Variants in KTN1 observed in about 807,000 individuals in gnomAD.
KTN1 encodes kinectin 1.
Under a neutral mutation model 222.5 loss-of-function variants are expected in KTN1, and 130 were observed. The observed-to-expected ratio is 0.58, with a 90% CI of 0.51 to 0.68. The LOEUF is 0.68. Ranked by LOEUF, KTN1 falls within the 30% of genes least tolerant of loss-of-function variation. The probability of loss-of-function intolerance (pLI) is 0.00; values close to 1 mark genes in which losing one functional copy is unlikely to be tolerated. For missense variants in KTN1, 1,508 were observed against 1,500.4 expected (o/e 1.01, Z -0.08); for synonymous variants, 512 against 496.3 (o/e 1.03, Z -0.42).
chr14:55,620,791 G>A (rs1213433079), intron 5 of KTN1, among the ~76,000 whole-genome samples: 1 of 152,152 alleles, frequency 6.6e-6, no homozygotes, highest in African/African-American at 2.4e-5. Context: ...TTCTGCAAAG[G>A]TCTTTGACAT....
At chr14:55,651,418 A>G in intron 24 of KTN1, 1 of 455,118 alleles carries the variant, frequency 2.2e-6, no homozygotes, top group South Asian at 1.6e-5. Flanking sequence ...TTAAAAAAGG[A>G]CATCATAGAG....
chr14:55,612,387 A>G lies in KTN1; in HGVS notation c.339A>G (p.Glu113=). 2 of 1,614,056 alleles carry G rather than the reference A, an allele frequency of 1.2e-6. No individual in the cohort carries two copies. Among genetic ancestry groups the G allele is most frequent in the Non-Finnish European group, 1.7e-6 (2 of 1,179,984 alleles). ...TTGAAACTTCAAGTAGTGTTAGGGAAAGAAAAAAGAAGGAAAAGAAACAAA... is the reference window on the plus strand; with the variant it reads ...TTGAAACTTCAAGTAGTGTTAGGGAGAGAAAAAAGAAGGAAAAGAAACAAA... ...NVVETSSSVR[E]RKKKEKKQKP... Residue 113 remains glutamate (E), a synonymous_variant, in exon 2 of 44, where the codon GAA becomes GAG. Transcript: ENST00000395314.
intron 18 of KTN1, among the ~76,000 whole-genome samples, chr14:55,643,407 A>T (rs2141022910): frequency 1.3e-5 from 2 of 152,304 alleles, no homozygotes; most frequent in East Asian, 3.9e-4. Flanking sequence ...GTGAGATATA[A>T]CATTGGTGAC....
intron 5 of KTN1, among the ~76,000 whole-genome samples, chr14:55,619,728 A>G (rs761635062): frequency 3.9e-5 from 6 of 152,270 alleles, no homozygotes; most frequent in Non-Finnish European, 5.9e-5. Flanking sequence ...CCATGATTCA[A>G]TTATGTCCCA....
intron 40 of KTN1, chr14:55,673,607 T>C (rs1393721181): frequency 2.4e-5 from 4 of 166,916 alleles, no homozygotes; most frequent in African/African-American, 7.2e-5. Context: ...CAGACTATCA[T>C]AGTTAATGGG....
chr14:55,659,742 A>T, intron 31 of KTN1, 39 bp downstream of exon 31: 1 of 1,119,936 alleles, frequency 8.9e-7, no homozygotes, highest in Non-Finnish European at 1.3e-6. Context: ...TAAAGTCGTA[A>T]CTATTTTTAT....
At position 55,629,969 on chromosome 14, in the gene KTN1, GAGAA is replaced by G. The variant is rs761224479; in HGVS notation, c.1102_1105del (p.Arg368AlafsTer5). 5.7e-6 allele frequency: 9 copies of G among 1,591,854 alleles called. No individual in the cohort carries two copies. The highest frequency in any genetic ancestry group is 4.5e-5 in the East Asian group (2 of 44,688). ...GATATTCTTTTAGGAAATGATGACAGAGAAAGAAAGAAGCAATGTGGTTATAACA... is the reference window on the plus strand; with the variant it reads ...GATATTCTTTTAGGAAATGATGACAGAGAAAGAAGCAATGTGGTTATAACA... On this transcript the variant is annotated frameshift_variant, in exon 7 of 44. Transcript: ENST00000395314. LOFTEE classifies it high-confidence loss of function.
At chr14:55,673,322 A>G in intron 40 of KTN1, 67 bp downstream of exon 40, 1 of 1,001,622 alleles carries the variant, frequency 1.0e-6, no homozygotes, top group Non-Finnish European at 1.5e-6. Context: ...ATGTGGAGAA[A>G]CCATCCAGGC....
At chr14:55,581,402 T>C (rs939247311) in intron 1 of KTN1, among the ~76,000 whole-genome samples, 3 of 152,196 alleles carry the variant, frequency 2.0e-5, no homozygotes, top group African/African-American at 4.8e-5. Flanking sequence ...CTATTTAAGT[T>C]AGTAGTGCTT....
chr14:55,673,050 T>A, intron 39 of KTN1, 38 bp downstream of exon 39: 1 of 1,559,922 alleles, frequency 6.4e-7, no homozygotes, highest in Non-Finnish European at 8.8e-7. Context: ...TGCTTCTCAA[T>A]TCAGATTAAG....
chr14:55,595,152 G>T, intron 1 of KTN1, among the ~76,000 whole-genome samples: 1 of 152,098 alleles, frequency 6.6e-6, no homozygotes, highest in Non-Finnish European at 1.5e-5. Flanking sequence ...TGTACTGTAT[G>T]TACAGTATAG....
intron 33 of KTN1, among the ~76,000 whole-genome samples, chr14:55,667,019 G>A (rs1421380879): frequency 6.6e-6 from 1 of 151,908 alleles, no homozygotes; most frequent in Non-Finnish European, 1.5e-5. Flanking sequence ...TATTGCTAAG[G>A]CATTATTTGA....
Position 55,660,599 on chromosome 14 carries a change from CTTGG to C in KTN1, c.2999+903_2999+906del, listed in dbSNP as rs1019648410. On this transcript the variant is annotated intron_variant, in intron 31 of 43. Coordinates refer to ENST00000395314, the MANE Select transcript of KTN1 (RefSeq NM_001079521.2). ...TCTTTTAATCTAAATGTTTTTCCAT[CTTGG>C]TTGGTTTACAGAGTTGCTTGTGTAC... is the stretch of plus-strand genomic sequence containing the variant. 7.8e-4 allele frequency among the ~76,000 whole-genome samples: 118 copies of C among 151,788 alleles called. 1 individual carries two copies. The highest frequency in any genetic ancestry group is 2.6e-3 in the African/African-American group (107 of 41,316).
chr14:55,682,895 A>G (rs543832415), intron 43 of KTN1: 25 of 152,106 alleles, frequency 1.6e-4, no homozygotes, highest in African/African-American at 4.3e-4. Flanking sequence ...AGTTTTGTCA[A>G]TCAATTCTGA....
intron 1 of KTN1, among the ~76,000 whole-genome samples, chr14:55,605,300 G>A (rs1007420098): frequency 1.3e-5 from 2 of 152,210 alleles, no homozygotes; most frequent in African/African-American, 2.4e-5. Context: ...TATTTGAGAC[G>A]GAGTATTGCT....
chr14:55,658,025 G>T (rs1485469998), intron 29 of KTN1, among the ~76,000 whole-genome samples: 1 of 152,018 alleles, frequency 6.6e-6, no homozygotes, highest in Non-Finnish European at 1.5e-5. Context: ...CAATAACATT[G>T]TAACCATTAA....
rs769516521 is a variant in KTN1, at chr14:55,684,049, T to C, written c.4070-50T>C. 28 of 1,549,852 alleles carry C rather than the reference T, an allele frequency of 1.8e-5. No homozygotes were observed. The African/African-American group carries it at 2.3e-4, about 13-fold the overall frequency. ...GTTTGACAAATGTCTTCTGATTGCC[T>C]TCTGTTGCTTTGTTTTAAAGTGAAA... On this transcript the variant is annotated intron_variant, in intron 43 of 43. Transcript: ENST00000395314.
At chr14:55,680,660 T>C (rs1340324771) in intron 43 of KTN1, 1 of 1,347,258 alleles carries the variant, frequency 7.4e-7, no homozygotes, top group African/African-American at 1.5e-5. Context: ...ATTTTGATCT[T>C]ACAGGAGCGT....
intron 18 of KTN1, among the ~76,000 whole-genome samples, chr14:55,642,801 G>A (rs2041934675): frequency 6.6e-6 from 1 of 152,010 alleles, no homozygotes; most frequent in Non-Finnish European, 1.5e-5. Context: ...TTATTACATA[G>A]TCTTACTACT....
Sources: allele counts gnomAD v4.1 joint callset (sites outside exome capture counted in the v4.1 genomes callset), GRCh38; gene constraint gnomAD v4.1.1; transcripts MANE v1.5; gene names NCBI Gene and HGNC (gene_info 2026-07-23, HGNC 2026-07-21).